Variants in GAB1 observed in about 807,000 individuals in gnomAD.
GAB1 encodes the protein GRB2-associated-binding protein 1.
Under a neutral mutation model 66.5 loss-of-function variants are expected in GAB1, and 19 were observed. The observed-to-expected ratio is 0.29, with a 90% CI of 0.20 to 0.42. GAB1 has a LOEUF of 0.42. Ranked by LOEUF, GAB1 falls within the 10% of genes least tolerant of loss-of-function variation. GAB1 has a pLI of 1.00. For missense variants in GAB1, 732 were observed against 858.5 expected, an observed-to-expected ratio of 0.85 and a Z score of 1.84; for synonymous variants, 294 against 301.4, an observed-to-expected ratio of 0.98 and a Z score of 0.25.
At chr4:143,437,425 G>A (rs1037629348) in intron 3 of GAB1, among the ~76,000 whole-genome samples, 5 of 152,114 alleles carry the variant, frequency 3.3e-5, no homozygotes, top group African/African-American at 1.2e-4. Context: ...TATAATGTTG[G>A]CTAAATGTTT....
intron 1 of GAB1, among the ~76,000 whole-genome samples, chr4:143,412,173 G>A (rs977287742): frequency 1.3e-5 from 2 of 151,796 alleles, no homozygotes; most frequent in East Asian, 1.9e-4. Flanking sequence ...AGGAATGGAT[G>A]GGGGGGAGCC....
At chr4:143,445,281 C>T (rs930043423) in intron 6 of GAB1, among the ~76,000 whole-genome samples, 4 of 152,092 alleles carry the variant, frequency 2.6e-5, no homozygotes, top group African/African-American at 9.7e-5. Context: ...TTAGTAATAG[C>T]TGTTTTGACT....
At chr4:143,395,306 A>ATAAATATT (rs1731387943) in intron 1 of GAB1, 2 of 152,526 alleles carry the variant, frequency 1.3e-5, no homozygotes, top group African/African-American at 4.8e-5. Context: ...GAACAGTGGA[A>ATAAATATT]CATGTTCAAT....
At chr4:143,402,972 T>G (rs1731852500) in intron 1 of GAB1, among the ~76,000 whole-genome samples, 1 of 152,236 alleles carries the variant, frequency 6.6e-6, no homozygotes, top group African/African-American at 2.4e-5. Context: ...TTGTTGTCTG[T>G]TACCTCAGAT....
chr4:143,423,470 T>A (rs112354577), intron 2 of GAB1, among the ~76,000 whole-genome samples: 1 of 151,692 alleles, frequency 6.6e-6, no homozygotes, highest in African/African-American at 2.4e-5. Context: ...GGCTGAGGCA[T>A]GTGGATGATG....
chr4:143,449,669 T>G (rs1387896481), intron 6 of GAB1, among the ~76,000 whole-genome samples: 11 of 152,222 alleles, frequency 7.2e-5, no homozygotes, highest in African/African-American at 2.4e-4. Flanking sequence ...CCTTTTATTT[T>G]GAGCCTGTGT....
rs748169133 is a variant in GAB1 at position 143,345,613 on chromosome 4, G to T, written c.72+8353G>T. Among the ~76,000 whole-genome samples the T allele has an allele frequency of 2.0e-5, 3 of 152,136 alleles. No individual in the cohort carries two copies. In the South Asian group the frequency reaches 6.2e-4, roughly 32 times the overall value. On this transcript the variant is annotated intron_variant, in intron 1 of 9. Coordinates refer to ENST00000262994, the MANE Select transcript of GAB1 (RefSeq NM_002039.4). The stretch of plus-strand genomic sequence containing the variant: ...ACATACTTCTTTAAGAATACTGCAC[G>T]TAGGGGAAAGCATCAAACTTCCATT...
intron 1 of GAB1, among the ~76,000 whole-genome samples, chr4:143,368,539 G>A (rs992031817): frequency 2.6e-5 from 4 of 152,132 alleles, no homozygotes; most frequent in African/African-American, 4.8e-5. Flanking sequence ...ATAAATATAT[G>A]CAATTTAAAA....
chr4:143,408,965 A>C (rs540346659), intron 1 of GAB1, among the ~76,000 whole-genome samples: 39 of 152,330 alleles, frequency 2.6e-4, no homozygotes, highest in Middle Eastern at 3.4e-3. Context: ...TGTAGAAAGT[A>C]TTGCTCTTCA....
intron 4 of GAB1, 103 bp downstream of exon 4, chr4:143,438,703 A>G (rs1394222543): frequency 8.1e-7 from 1 of 1,229,884 alleles, no homozygotes; most frequent in Non-Finnish European, 1.1e-6. Flanking sequence ...TATGCTACAA[A>G]ATACAGTCCA....
chr4:143,355,099 A>T (rs189101961), intron 1 of GAB1, among the ~76,000 whole-genome samples: 1 of 152,360 alleles, frequency 6.6e-6, no homozygotes, highest in East Asian at 1.9e-4. Context: ...CAAGGAGAAG[A>T]AAATGACTCA....
chr4:143,389,827 C>T (rs185265080), intron 1 of GAB1, among the ~76,000 whole-genome samples: 1 of 152,206 alleles, frequency 6.6e-6, no homozygotes, highest in Admixed American at 6.5e-5. Flanking sequence ...GATTCTTAAG[C>T]AAAATGATTT....
Position 143,469,313 on chromosome 4 carries a change from A to G in GAB1, c.*124A>G. On this transcript the variant is annotated 3_prime_UTR_variant, in exon 10 of 10. Transcript: ENST00000262994. ...AAATGAGTAGAGTTGAAGTCAAAGG[A>G]CCTTTCTGACATAATCAAGCAATTT... 1.0e-6 allele frequency: 1 copy of G among 983,722 alleles called. No individual in the cohort carries two copies. Among genetic ancestry groups the G allele is most frequent in the Middle Eastern group, 2.2e-4 (1 of 4,510 alleles). The allele number at this position is 983,722 out of a possible 1,614,324, so 60.9% of individuals were successfully genotyped here. A position where few individuals can be genotyped will look rare whatever the true frequency, so the allele number is the denominator to read the frequency against.
At chr4:143,390,675 G>A (rs1378436020) in intron 1 of GAB1, among the ~76,000 whole-genome samples, 2 of 151,990 alleles carry the variant, frequency 1.3e-5, no homozygotes, top group East Asian at 3.9e-4. Context: ...TATGCTGCTG[G>A]GCCAAAGAGC....
At chr4:143,338,649 T>G (rs1728732245) in intron 1 of GAB1, among the ~76,000 whole-genome samples, 1 of 152,064 alleles carries the variant, frequency 6.6e-6, no homozygotes, top group Non-Finnish European at 1.5e-5. Flanking sequence ...AATGCTAACT[T>G]TATTCCAAAA....
At position 143,382,564 on chromosome 4, in the gene GAB1, A is replaced by T. The variant is rs191427728; in HGVS notation, c.73-32913A>T. Among the ~76,000 whole-genome samples, 16 of 152,320 alleles carry T rather than the reference A, an allele frequency of 1.1e-4. No individual in the cohort carries two copies. In the East Asian group the frequency reaches 3.1e-3, roughly 29 times the overall value. On this transcript the variant is annotated intron_variant, in intron 1 of 9. Transcript: ENST00000262994. ...CCCTACTTTCTCTTTTTCCTGAAAT[A>T]CTACCTTCAAAGTCCTGTTTTGCTC...
intron 1 of GAB1, among the ~76,000 whole-genome samples, chr4:143,410,866 C>T (rs1007860631): frequency 2.6e-5 from 4 of 152,054 alleles, no homozygotes; most frequent in African/African-American, 4.8e-5. Context: ...ACCTCCTTGG[C>T]GCTAGGCAAT....
At chr4:143,341,617 T>C (rs1400704523) in intron 1 of GAB1, among the ~76,000 whole-genome samples, 1 of 152,214 alleles carries the variant, frequency 6.6e-6, no homozygotes, top group Admixed American at 6.5e-5. Flanking sequence ...AGGTAGGTAA[T>C]CTGTACCCAG....
At chr4:143,350,041 C>T (rs1044540019) in intron 1 of GAB1, 7 of 1,545,988 alleles carry the variant, frequency 4.5e-6, no homozygotes, top group South Asian at 1.2e-5. Context: ...GAAACCTCCG[C>T]GGAAGCCACC....
Sources: allele counts gnomAD v4.1 joint callset (sites outside exome capture counted in the v4.1 genomes callset), GRCh38; gene constraint gnomAD v4.1.1; transcripts MANE v1.5; gene names NCBI Gene and HGNC (gene_info 2026-07-23, HGNC 2026-07-21).